The following IRAK3 variants were observed in gnomAD, a reference collection of about 807,000 sequenced individuals.
The protein encoded by IRAK3 is interleukin 1 receptor associated kinase 3.
Under a neutral mutation model 56.6 loss-of-function variants are expected in IRAK3, and 57 were observed. The observed-to-expected ratio is 1.01, with a 90% CI of 0.81 to 1.26. The LOEUF is 1.26. IRAK3 is among the 50% of genes most tolerant of loss of function. The probability of loss-of-function intolerance (pLI) is 0.00; values close to 1 mark genes in which losing one functional copy is unlikely to be tolerated. For missense variants in IRAK3, 703 were observed against 719.0 expected, an observed-to-expected ratio of 0.98 and a Z score of 0.25; for synonymous variants, 258 against 255.7, an observed-to-expected ratio of 1.01 and a Z score of -0.09.
In IRAK3 at chr12:66,245,008, C is replaced by CT. The variant is rs756789060; in HGVS notation, c.1148dup (p.Arg384AlafsTer5). The CT allele has an allele frequency of 1.1e-5, 17 of 1,613,666 alleles. No homozygotes were observed. Among genetic ancestry groups the CT allele is most frequent in the Non-Finnish European group, 1.4e-5 (17 of 1,179,628 alleles). On this transcript the variant is annotated frameshift_variant and splice_region_variant, in exon 10 of 12. Coordinates refer to ENST00000261233, the MANE Select transcript of IRAK3 (RefSeq NM_007199.3). LOFTEE classifies it high-confidence loss of function. The stretch of plus-strand genomic sequence containing the variant: ...GTTAGATGATCCAAAACATATCCAG[C>CT]TGGTAAGAATTGTTTTCATCCTGGC...
rs2052687078 is a variant in IRAK3 at position 66,217,310 on chromosome 12, A to G, written c.653+75A>G. 3.7e-6 allele frequency: 4 copies of G among 1,092,948 alleles called. No homozygotes were observed. The South Asian group carries it at 5.0e-5, about 14-fold the overall frequency. 67.7% of individuals were successfully genotyped at this position (1,092,948 alleles called of 1,614,324 possible). ...CTCTGTTCATTTTTTATTTTACAGC[A>G]CAGAGCTTGGCGTGACATGTAATAA... On this transcript the variant is annotated intron_variant, in intron 6 of 11. Coordinates refer to ENST00000261233, the MANE Select transcript of IRAK3 (RefSeq NM_007199.3).
chr12:66,205,038 T>C (rs1276229846), intron 2 of IRAK3, among the ~76,000 whole-genome samples: 1 of 152,206 alleles, frequency 6.6e-6, no homozygotes, highest in East Asian at 1.9e-4. Flanking sequence ...TGAAATTCAG[T>C]GAGTCCCTGG....
intron 8 of IRAK3, chr12:66,235,132 T>G: frequency 6.2e-7 from 1 of 1,613,918 alleles, no homozygotes; most frequent in African/African-American, 1.3e-5. Context: ...GATCCCATCC[T>G]GAGTTGCTGC....
At chr12:66,220,045 T>C (rs2052715016) in intron 6 of IRAK3, among the ~76,000 whole-genome samples, 2 of 152,184 alleles carry the variant, frequency 1.3e-5, no homozygotes, top group Admixed American at 6.5e-5. Flanking sequence ...AGAAGCTTTT[T>C]AGTTTGATAT....
chr12:66,209,405 A>T, intron 2 of IRAK3, 51 bp from the exon 3 acceptor site: 2 of 1,037,910 alleles, frequency 1.9e-6, no homozygotes, highest in South Asian at 2.5e-5. Context: ...AAGGAAAAAC[A>T]TTAGGGACAT....
Position 66,217,197 on chromosome 12 carries a change from T to C in IRAK3, c.615T>C (p.His205=), listed in dbSNP as rs150032171. The part of the protein sequence containing the change: ...KQEKKMQCKK[H]WKRFLSELEV... Reference sequence around the variant, plus strand: ...AGAAAAAAATGCAGTGTAAGAAGCATTGGAAGAGGTTTTTATCTGAGCTTG... The same window carrying C: ...AGAAAAAAATGCAGTGTAAGAAGCACTGGAAGAGGTTTTTATCTGAGCTTG... Residue 205 remains histidine (H), a synonymous_variant, in exon 6 of 12, where the codon CAT becomes CAC. Coordinates refer to ENST00000261233, the MANE Select transcript of IRAK3 (RefSeq NM_007199.3). The C allele has an allele frequency of 4.3e-4, 699 of 1,611,384 alleles. No homozygotes were observed. The highest frequency in any genetic ancestry group is 5.2e-4 in the Non-Finnish European group (614 of 1,177,704).
chr12:66,234,460 A>G (rs2052880735), intron 8 of IRAK3: 3 of 1,611,300 alleles, frequency 1.9e-6, no homozygotes, highest in African/African-American at 1.3e-5. Context: ...TTCGGTTTGT[A>G]GCAATACTGT....
chr12:66,235,602 G>A lies in IRAK3; in HGVS notation c.887+7232G>A, dbSNP rs1203209187. Among the ~76,000 whole-genome samples the A allele has an allele frequency of 6.6e-5, 10 of 151,982 alleles. No homozygotes were observed. The South Asian group carries it at 2.1e-3, about 31-fold the overall frequency. ...GCCGACTCTCCCGGCGGCAGCGGAG[G>A]AGCAGCGCCGCCGCGTCCTCCGATA... On this transcript the variant is annotated intron_variant, in intron 8 of 11. Coordinates refer to ENST00000261233, the MANE Select transcript of IRAK3 (RefSeq NM_007199.3).
intron 5 of IRAK3, 116 bp downstream of exon 5, chr12:66,211,713 A>G: frequency 1.2e-6 from 1 of 845,356 alleles, no homozygotes; most frequent in Non-Finnish European, 1.9e-6. Context: ...AAAATTTTAT[A>G]AGTGGAAATA....
intron 6 of IRAK3, among the ~76,000 whole-genome samples, chr12:66,220,110 A>C (rs1206058824): frequency 6.6e-6 from 1 of 152,148 alleles, no homozygotes; most frequent in Non-Finnish European, 1.5e-5. Context: ...GTCATAGCCA[A>C]AAAATCATTG....
intron 1 of IRAK3, among the ~76,000 whole-genome samples, chr12:66,193,022 T>G (rs2052413807): frequency 6.6e-6 from 1 of 152,174 alleles, no homozygotes. Context: ...TTATCTTTTT[T>G]TTGAGATGGA....
chr12:66,222,489 C>A (rs2052744278), intron 6 of IRAK3, among the ~76,000 whole-genome samples: 1 of 151,516 alleles, frequency 6.6e-6, no homozygotes, highest in African/African-American at 2.4e-5. Context: ...TCTTATGATC[C>A]TTAGTGTTTC....
intron 8 of IRAK3, chr12:66,235,116 T>C: frequency 6.2e-7 from 1 of 1,613,820 alleles, no homozygotes; most frequent in African/African-American, 1.3e-5. Flanking sequence ...TTCGTTTTGC[T>C]GAGCTGATCC....
chr12:66,254,547 CAT>C lies in IRAK3; in HGVS notation c.*6377_*6378del, dbSNP rs1014109897. 79 of 150,484 alleles carry C rather than the reference CAT, an allele frequency of 5.2e-4. No individual in the cohort carries two copies. Among genetic ancestry groups the C allele is most frequent in the African/African-American group, 1.7e-3 (68 of 41,000 alleles). The allele number at this position is 150,484 out of a possible 1,614,324, so 9.3% of individuals were successfully genotyped here. The stretch of plus-strand genomic sequence containing the variant: ...GGGTGATCTTTACATTCTTCAGACT[CAT>C]GTGTGTTTGAAACTTTTTATAATGA... On this transcript the variant is annotated 3_prime_UTR_variant, in exon 12 of 12. Transcript: ENST00000261233.
At chr12:66,234,130 C>T (rs530608571) in intron 8 of IRAK3, 8 of 1,614,070 alleles carry the variant, frequency 5.0e-6, no homozygotes, top group Admixed American at 3.3e-5. Context: ...CGACAGCCAC[C>T]TGCTGTTGAC....
chr12:66,204,813 C>CACACAT (rs2052544113), intron 2 of IRAK3, among the ~76,000 whole-genome samples: 2 of 149,622 alleles, frequency 1.3e-5, no homozygotes, highest in South Asian at 2.1e-4. Context: ...CACACACACA[C>CACACAT]ACACACAAGG....
At chr12:66,221,068 C>T (rs1168644) in intron 6 of IRAK3, among the ~76,000 whole-genome samples, 83,537 of 151,968 alleles carry the variant, frequency 0.55, 24,837 homozygotes, top group South Asian at 0.65. Flanking sequence ...TAGTTGTTAA[C>T]GCACAAAATT....
Position 66,211,547 on chromosome 12 carries a change from T to A in IRAK3, c.538T>A (p.Tyr180Asn), listed in dbSNP as rs1331520472. 6.2e-7 allele frequency: 1 copy of A among 1,612,006 alleles called. No individual in the cohort carries two copies. Among genetic ancestry groups the A allele is most frequent in the South Asian group, 1.1e-5 (1 of 91,040 alleles). ...TGGAGAAGGAGAGATTTTTGAGGTATACAGAGTGGAGATTCAAAACCTAAC... is the reference window on the plus strand; with the variant it reads ...TGGAGAAGGAGAGATTTTTGAGGTAAACAGAGTGGAGATTCAAAACCTAAC... Reference protein sequence around the residue: ...LIGEGEIFEVYRVEIQNLTYA... With the variant: ...LIGEGEIFEVNRVEIQNLTYA... The change falls in exon 5 of 12, where the codon TAC becomes AAC. Residue 180 changes from tyrosine to asparagine, a missense_variant. Transcript: ENST00000261233.
Position 66,247,848 on chromosome 12 carries a change from C to T in IRAK3, c.1468C>T (p.Leu490=), listed in dbSNP as rs370903646. Residue 490 remains leucine (L), a synonymous_variant, in exon 12 of 12, where the codon CTA becomes TTA. Coordinates refer to ENST00000261233, the MANE Select transcript of IRAK3 (RefSeq NM_007199.3). ...TGATGAAAGCCAGAATAACAATTTA[C>T]TACCTTCTGATGAAGGCCTGAGGAT... is the stretch of plus-strand genomic sequence containing the variant. ...EDDESQNNNL[L]PSDEGLRIDR... 68 of 1,614,026 alleles carry T rather than the reference C, an allele frequency of 4.2e-5. No individual in the cohort carries two copies. Among genetic ancestry groups the T allele is most frequent in the Non-Finnish European group, 5.1e-5 (60 of 1,179,988 alleles).
Sources: allele counts gnomAD v4.1 joint callset (sites outside exome capture counted in the v4.1 genomes callset), GRCh38; gene constraint gnomAD v4.1.1; transcripts MANE v1.5; gene names NCBI Gene and HGNC (gene_info 2026-07-23, HGNC 2026-07-21).